COL27A1: variants seen among roughly 807,000 people sequenced by gnomAD.
The protein encoded by COL27A1 is collagen alpha-1(XXVII) chain.
In COL27A1, 106 loss-of-function variants were observed where a neutral mutation model predicts 251.3. The ratio of observed to expected loss-of-function variants is 0.42; its 90% CI spans 0.36 to 0.50. COL27A1 has a LOEUF of 0.50. Among genes scored for constraint, COL27A1 ranks in the 20% least tolerant of loss-of-function variants. The pLI, the probability that COL27A1 is intolerant of heterozygous loss-of-function variation, is 0.00. For missense variants in COL27A1, 2,325 were observed against 2,522.8 expected, an observed-to-expected ratio of 0.92 and a Z score of 1.68; for synonymous variants, 1,000 against 986.3, an observed-to-expected ratio of 1.01 and a Z score of -0.26.
chr9:114,265,473 C>A lies in COL27A1; in HGVS notation c.3391C>A (p.Pro1131Thr), dbSNP rs150951880. ...AGGCACCAAGGGCCTCCCAGGAGAACCGGTAAGAGCCCTTTCCTTCCCTCT... is the reference window on the plus strand; with the variant it reads ...AGGCACCAAGGGCCTCCCAGGAGAAACGGTAAGAGCCCTTTCCTTCCCTCT... ...PPGTKGLPGE[P>T]GPQGPQGPIG... is the part of the protein sequence containing the mutation. The change falls in exon 32 of 61, where the codon CCG becomes ACG. Residue 1131 changes from proline (P) to threonine (T), a missense_variant and splice_region_variant. Physicochemically the swap from Pro to Thr is conservative, Grantham distance 38. This residue lies in a region of COL27A1 where 662 missense variants were observed against 795.3 expected (regional missense o/e 0.83). Coordinates refer to ENST00000356083, the MANE Select transcript of COL27A1 (RefSeq NM_032888.4). 2.5e-6 allele frequency: 4 copies of A among 1,613,680 alleles called. No individual in the cohort carries two copies. The African/African-American group carries it at 5.3e-5, about 22-fold the overall frequency.
chr9:114,280,232 GAC>G (rs1287187936), intron 37 of COL27A1, among the ~76,000 whole-genome samples: 8 of 148,712 alleles, frequency 5.4e-5, no homozygotes, highest in Non-Finnish European at 1.2e-4. Context: ...TTTCTTTTGA[GAC>G]ACAGTCTCAC....
In COL27A1 at chr9:114,242,100, C is replaced by T. The variant is rs1832801155; in HGVS notation, c.2836-87C>T. On this transcript the variant is annotated intron_variant, in intron 21 of 60. Coordinates refer to ENST00000356083, the MANE Select transcript of COL27A1 (RefSeq NM_032888.4). ...CCAGGAGGGCTCTCCTCTGTCCATCCCTTTCCCTCCATACAGGACAAGATC... is the reference window on the plus strand; with the variant it reads ...CCAGGAGGGCTCTCCTCTGTCCATCTCTTTCCCTCCATACAGGACAAGATC... The T allele has an allele frequency of 7.5e-6, 9 of 1,195,012 alleles. No homozygotes were observed. In the South Asian group the frequency reaches 1.3e-4, roughly 18 times the overall value. 74.0% of individuals were successfully genotyped at this position (1,195,012 alleles called of 1,614,324 possible).
chr9:114,247,607 G>A (rs946550658), intron 24 of COL27A1, among the ~76,000 whole-genome samples: 2 of 152,204 alleles, frequency 1.3e-5, no homozygotes, highest in African/African-American at 4.8e-5. Flanking sequence ...ACCTTGCCTG[G>A]AGCAGCCCAG....
chr9:114,166,449 A>ATCCATCCATCCGTCCG (rs1423925021), intron 2 of COL27A1, among the ~76,000 whole-genome samples: 1 of 150,572 alleles, frequency 6.6e-6, no homozygotes, highest in East Asian at 2.0e-4. Flanking sequence ...TCATCTATCC[A>ATCCATCCATCCGTCCG]TCCATCCATC....
In COL27A1 at chr9:114,168,349, C is replaced by A. The variant is rs1030771876; in HGVS notation, c.794C>A (p.Ala265Asp). ...CCTTTTACCTTCCAGTCCGACCTCG[C>A]CCTGCTAGGCCTGGAGAACTTGACC... ...GRPFTFQSDL[A>D]LLGLENLTTA... The change falls in exon 3 of 61, where the codon GCC (alanine) becomes GAC (aspartate). Residue 265 changes from alanine (A) to aspartate (D), a missense_variant. Physicochemically the swap from Ala to Asp is moderately radical, Grantham distance 126. Around this residue, in one of 4 missense-constraint regions of COL27A1, gnomAD observed 1,183 missense variants for 1,144.1 expected, o/e 1.03. Transcript: ENST00000356083. 4.3e-6 allele frequency: 7 copies of A among 1,613,412 alleles called. No individual in the cohort carries two copies. The East Asian group carries it at 1.3e-4, about 31-fold the overall frequency.
chr9:114,194,836 A>G (rs1828997742), intron 6 of COL27A1, among the ~76,000 whole-genome samples: 2 of 152,208 alleles, frequency 1.3e-5, no homozygotes, highest in African/African-American at 4.8e-5. Context: ...GAAGCTTCCA[A>G]TAGACACTCA....
At chr9:114,201,982 C>T (rs1208095166) in intron 7 of COL27A1, among the ~76,000 whole-genome samples, 1 of 152,168 alleles carries the variant, frequency 6.6e-6, no homozygotes, top group African/African-American at 2.4e-5. Context: ...TCTCTTTACC[C>T]CTCTGAACAT....
chr9:114,171,244 G>A (rs993079025), intron 3 of COL27A1, among the ~76,000 whole-genome samples: 2 of 152,116 alleles, frequency 1.3e-5, no homozygotes, highest in African/African-American at 2.4e-5. Context: ...AGGAAATTGC[G>A]CTCAGAGAGG....
chr9:114,295,627 C>T (rs1828210012), intron 49 of COL27A1, among the ~76,000 whole-genome samples: 1 of 152,130 alleles, frequency 6.6e-6, no homozygotes, highest in South Asian at 2.1e-4. Context: ...CAGACATATA[C>T]CATACATATA....
chr9:114,227,612 A>G (rs1001549458), intron 14 of COL27A1, among the ~76,000 whole-genome samples: 2 of 151,878 alleles, frequency 1.3e-5, no homozygotes, highest in Non-Finnish European at 2.9e-5. Context: ...ACATTTAGCT[A>G]TTGCTAAGGA....
Position 114,169,327 on chromosome 9 carries a change from T to C in COL27A1, c.1772T>C (p.Val591Ala), listed in dbSNP as rs766836337. ...QPSQQTTPAL[V>A]LAPAQFLSSS... ...AGTCAGCAGACCACCCCGGCCCTGG[T>C]ATTGGCCCCGGCGCAATTCCTGTCC... Residue 591 changes from valine to alanine, a missense_variant, in exon 3 of 61, where the codon GTA becomes GCA. Coordinates refer to ENST00000356083, the MANE Select transcript of COL27A1 (RefSeq NM_032888.4). 5.6e-6 allele frequency: 9 copies of C among 1,612,490 alleles called. No individual in the cohort carries two copies. The African/African-American group carries it at 1.1e-4, about 19-fold the overall frequency.
intron 10 of COL27A1, among the ~76,000 whole-genome samples, chr9:114,207,718 C>G (rs1259790934): frequency 1.3e-5 from 2 of 152,212 alleles, no homozygotes; most frequent in Admixed American, 6.5e-5. Context: ...AGGCAGAGGG[C>G]AGGCTTTGGA....
chr9:114,204,966 C>G, intron 7 of COL27A1, 136 bp from the exon 8 acceptor site: 2 of 720,418 alleles, frequency 2.8e-6, no homozygotes, highest in Admixed American at 2.3e-5. Flanking sequence ...TCTGGGGAAC[C>G]TTTACTGAGT....
rs919679560 is a variant in COL27A1 at position 114,205,615 on chromosome 9, T to C, written c.2170-144T>C. 13 of 757,000 alleles carry C rather than the reference T, an allele frequency of 1.7e-5. No homozygotes were observed. In the African/African-American group the frequency reaches 2.1e-4, roughly 12 times the overall value. 46.9% of individuals were successfully genotyped at this position (757,000 alleles called of 1,614,324 possible). The stretch of plus-strand genomic sequence containing the variant: ...GACCGGTTTCACAGAGGGGTGGGCT[T>C]GGGGGCCCTCCCCTTCCTCCTGTTC... On this transcript the variant is annotated intron_variant, in intron 8 of 60. Transcript: ENST00000356083.
Position 114,210,989 on chromosome 9 carries a change from C to T in COL27A1, c.2330C>T (p.Pro777Leu). Residue 777 changes from proline to leucine, a missense_variant, in exon 12 of 61, where the codon CCT (proline) becomes CTT (leucine). Physicochemically the swap from Pro to Leu is moderately conservative, Grantham distance 98. Transcript: ENST00000356083. ...CCTGTCTCTCCCCTGCAGGGCCTGC[C>T]TGGCGTTCCTGGCAAGAGGGGCAAG... ...LPGSDGERGL[P>L]GVPGKRGKMG... The T allele has an allele frequency of 6.2e-7, 1 of 1,614,228 alleles. No individual in the cohort carries two copies. Among genetic ancestry groups the T allele is most frequent in the Non-Finnish European group, 8.5e-7 (1 of 1,180,024 alleles).
intron 24 of COL27A1, among the ~76,000 whole-genome samples, chr9:114,249,442 C>T (rs557980409): frequency 3.9e-5 from 6 of 152,290 alleles, no homozygotes; most frequent in South Asian, 2.1e-4. Flanking sequence ...ACGGGAGATC[C>T]GGGCCCTGTT....
At chr9:114,265,330 G>C (rs778533239) in intron 31 of COL27A1, 92 bp from the exon 32 acceptor site, 3 of 1,360,034 alleles carry the variant, frequency 2.2e-6, no homozygotes, top group Non-Finnish European at 3.1e-6. Context: ...GGGAGGAGGG[G>C]ACCCAAATAC....
chr9:114,259,460 TATTATTTTATTATTGG>T lies in COL27A1; in HGVS notation c.3195+871_3195+886del, dbSNP rs536092830. On this transcript the variant is annotated intron_variant, in intron 28 of 60. Transcript: ENST00000356083. ...GGTGCTATTCTCATTCCCATTTTAT[TATTATTTTATTATTGG>T]ATTACTTAACCTTTCTCCCAGAAAG... Among the ~76,000 whole-genome samples, 1,391 of 152,186 alleles carry T rather than the reference TATTATTTTATTATTGG, an allele frequency of 9.1e-3. 18 individuals carry two copies. Among genetic ancestry groups the T allele is most frequent in the Non-Finnish European group, 0.013 (874 of 68,026 alleles).
At position 114,168,201 on chromosome 9, in the gene COL27A1, T is replaced by C; in HGVS notation, c.646T>C (p.Phe216Leu). 1 of 1,613,940 alleles carries C rather than the reference T, an allele frequency of 6.2e-7. No homozygotes were observed. The highest frequency in any genetic ancestry group is 1.3e-5 in the African/African-American group (1 of 75,046). The part of the protein sequence containing the change: ...AVQFEGALCQ[F>L]SIYPVTQVAH... ...CCAGTTTGAAGGTGCTCTCTGCCAG[T>C]TCAGTATCTACCCTGTGACGCAGGT... is the stretch of plus-strand genomic sequence containing the variant. The change falls in exon 3 of 61, where the codon TTC (phenylalanine) becomes CTC (leucine). Residue 216 changes from phenylalanine (F) to leucine (L), a missense_variant. Physicochemically the swap from Phe to Leu is conservative, Grantham distance 22 (BLOSUM62 0). This residue lies in a region of COL27A1 where 1,183 missense variants were observed against 1,144.1 expected (regional missense o/e 1.03). Transcript: ENST00000356083.
Sources: allele counts gnomAD v4.1 joint callset (sites outside exome capture counted in the v4.1 genomes callset), GRCh38; gene constraint gnomAD v4.1.1; regional missense constraint gnomAD v4.1.1; transcripts MANE v1.5; gene names NCBI Gene and HGNC (gene_info 2026-07-23, HGNC 2026-07-21).